DCC: variants seen among roughly 807,000 people sequenced by gnomAD.
The protein encoded by DCC is DCC netrin 1 receptor, also known as netrin receptor DCC.
DCC carries 58 observed loss-of-function variants against 172.5 expected under a neutral mutation model. The observed-to-expected ratio is 0.34, with a 90% CI of 0.27 to 0.42. The LOEUF (loss-of-function observed/expected upper bound fraction) is 0.42. Ranked by LOEUF, DCC falls within the 10% of genes least tolerant of loss-of-function variation. The probability of loss-of-function intolerance (pLI) is 1.00; values close to 1 mark genes in which losing one functional copy is unlikely to be tolerated. For missense variants in DCC, 1,740 were observed against 1,791.0 expected (o/e 0.97, Z 0.51); for synonymous variants, 709 against 644.5 (o/e 1.10, Z -1.52).
At chr18:52,967,149 A>G (rs529082485) in intron 5 of DCC, among the ~76,000 whole-genome samples, 5 of 152,332 alleles carry the variant, frequency 3.3e-5, no homozygotes, top group South Asian at 2.1e-4. Context: ...GGTAAGTAGA[A>G]TAGCCCAGAA....
At chr18:53,469,367 C>T (rs1355695002) in intron 25 of DCC, among the ~76,000 whole-genome samples, 2 of 152,154 alleles carry the variant, frequency 1.3e-5, no homozygotes, top group Admixed American at 1.3e-4. Flanking sequence ...TGAGCTCTCA[C>T]TATTTGGAAA....
chr18:53,142,967 GT>G (rs34266359), intron 7 of DCC, among the ~76,000 whole-genome samples: 46,965 of 151,812 alleles, frequency 0.31, 9,086 homozygotes, highest in East Asian at 0.59. Flanking sequence ...TATATCCAAA[GT>G]TTTTTTCATC....
intron 2 of DCC, among the ~76,000 whole-genome samples, chr18:52,812,688 G>A (rs1441372569): frequency 6.6e-6 from 1 of 152,200 alleles, no homozygotes; most frequent in Non-Finnish European, 1.5e-5. Context: ...GGCTTAAATA[G>A]TGCTTAAGAA....
chr18:53,166,701 C>A (rs964885405), intron 8 of DCC, among the ~76,000 whole-genome samples: 2 of 152,128 alleles, frequency 1.3e-5, no homozygotes, highest in Admixed American at 6.6e-5. Context: ...CTAGATTTAT[C>A]CTTTTTAACA....
chr18:53,515,158 TAAATGTAATCCAGCATATA>T (rs2046317929), intron 27 of DCC, among the ~76,000 whole-genome samples: 1 of 151,632 alleles, frequency 6.6e-6, no homozygotes, highest in South Asian at 2.1e-4. Flanking sequence ...CGCAAATCAA[TAAATGTAATCCAGCATATA>T]AACAGAGCCA....
intron 2 of DCC, among the ~76,000 whole-genome samples, chr18:52,797,313 G>A (rs530747177): frequency 6.6e-6 from 1 of 152,230 alleles, no homozygotes; most frequent in African/African-American, 2.4e-5. Flanking sequence ...GAGGCATCAT[G>A]TTTCCTTTTT....
chr18:52,993,297 C>A (rs957988899), intron 5 of DCC, among the ~76,000 whole-genome samples: 5 of 152,008 alleles, frequency 3.3e-5, no homozygotes. Context: ...GAGATTTTTA[C>A]GTAGGATGTA....
At chr18:52,889,938 A>G (rs906864535) in intron 2 of DCC, among the ~76,000 whole-genome samples, 1 of 152,084 alleles carries the variant, frequency 6.6e-6, no homozygotes, top group Non-Finnish European at 1.5e-5. Context: ...GGAGAGTGTT[A>G]ATTGGTGTTT....
chr18:52,789,012 A>G (rs1349070685), intron 2 of DCC, among the ~76,000 whole-genome samples: 3 of 152,000 alleles, frequency 2.0e-5, no homozygotes, highest in Non-Finnish European at 2.9e-5. Context: ...CAGGTGACCA[A>G]GAGTATGCTT....
At chr18:52,356,125 G>C (rs974612270) in intron 1 of DCC, among the ~76,000 whole-genome samples, 12 of 152,158 alleles carry the variant, frequency 7.9e-5, no homozygotes, top group African/African-American at 1.2e-4. Flanking sequence ...CATCTGAGAA[G>C]TAACTTTGGT....
At chr18:53,044,861 G>A (rs1665609517) in intron 5 of DCC, among the ~76,000 whole-genome samples, 1 of 151,738 alleles carries the variant, frequency 6.6e-6, no homozygotes. Context: ...GCATGTCAAC[G>A]AGTGCAAAAA....
Position 52,925,347 on chromosome 18 carries a change from C to T in DCC, c.962C>T (p.Ala321Val), listed in dbSNP as rs771237034. The T allele has an allele frequency of 6.2e-7, 1 of 1,612,342 alleles. No individual in the cohort carries two copies. Among genetic ancestry groups the T allele is most frequent in the South Asian group, 1.1e-5 (1 of 91,066 alleles). ...ACATATAAAAATGAGAATATTAGTG[C>T]CTCTGCAGAGCTCACAGTCTTGGGT... ...VVTYKNENIS[A>V]SAELTVLVPP... The change falls in exon 5 of 29, where the codon GCC (alanine) becomes GTC (valine). Residue 321 changes from alanine (A) to valine (V), a missense_variant. Physicochemically the swap from Ala to Val is moderately conservative, Grantham distance 64. This residue lies in a region of DCC where 1,732 missense variants were observed against 1,767.4 expected (regional missense o/e 0.98). Coordinates refer to ENST00000442544, the MANE Select transcript of DCC (RefSeq NM_005215.4).
chr18:52,752,106 T>C lies in DCC; in HGVS notation c.144T>C (p.Asp48=). The C allele has an allele frequency of 2.5e-6, 4 of 1,614,138 alleles. No homozygotes were observed. Among genetic ancestry groups the C allele is most frequent in the Non-Finnish European group, 3.4e-6 (4 of 1,180,024 alleles). Residue 48 remains aspartate, a synonymous_variant, in exon 2 of 29, where the codon GAT becomes GAC. Coordinates refer to ENST00000442544, the MANE Select transcript of DCC (RefSeq NM_005215.4). ...TALRFLSEPS[D]AVTMRGGNVL... ...TGCGCTTCCTCTCAGAACCTTCTGA[T>C]GCCGTCACAATGCGGGGAGGAAATG...
intron 15 of DCC, among the ~76,000 whole-genome samples, chr18:53,353,143 G>T (rs1250175702): frequency 6.6e-6 from 1 of 152,028 alleles, no homozygotes; most frequent in African/African-American, 2.4e-5. Flanking sequence ...CAGATGTGGT[G>T]ACACATGCCT....
chr18:52,721,819 G>T (rs28647396), intron 1 of DCC, among the ~76,000 whole-genome samples: 1 of 152,130 alleles, frequency 6.6e-6, no homozygotes, highest in South Asian at 2.1e-4. Context: ...GAGGTTGGGA[G>T]TTCCAGACCA....
chr18:53,205,389 G>T lies in DCC; in HGVS notation c.1722+25G>T, dbSNP rs368871509. ...GGTAGGTGAAGGAATGGACCACACT[G>T]CTTCCATCTGTTGGATGTTTCCATC... is the stretch of plus-strand genomic sequence containing the variant. On this transcript the variant is annotated intron_variant, in intron 10 of 28. Coordinates refer to ENST00000442544, the MANE Select transcript of DCC (RefSeq NM_005215.4). The T allele has an allele frequency of 1.6e-5, 25 of 1,610,026 alleles. No individual in the cohort carries two copies. In the African/African-American group the frequency reaches 3.1e-4, roughly 20 times the overall value.
In DCC at chr18:53,083,476, C is replaced by T. The variant is rs372592301; in HGVS notation, c.1261+17310C>T. Among the ~76,000 whole-genome samples, 23 of 152,248 alleles carry T rather than the reference C, an allele frequency of 1.5e-4. 1 individual carries two copies. In the East Asian group the frequency reaches 2.9e-3, roughly 19 times the overall value. On this transcript the variant is annotated intron_variant, in intron 7 of 28. Transcript: ENST00000442544. ...AAGAATACTAAAAGAATTTGTGAGACCCCTTTTTGTTGACTATTTGTTAGA... is the reference window on the plus strand; with the variant it reads ...AAGAATACTAAAAGAATTTGTGAGATCCCTTTTTGTTGACTATTTGTTAGA...
chr18:53,161,273 A>G (rs2054835315), intron 8 of DCC, among the ~76,000 whole-genome samples: 1 of 152,184 alleles, frequency 6.6e-6, no homozygotes, highest in Admixed American at 6.5e-5. Flanking sequence ...CCCAGTAGTC[A>G]ATTCCTGGTC....
chr18:53,389,615 A>C (rs2145004042), intron 16 of DCC, among the ~76,000 whole-genome samples: 1 of 152,322 alleles, frequency 6.6e-6, no homozygotes, highest in South Asian at 2.1e-4. Flanking sequence ...GACAAGCCAC[A>C]CCTGAAAAAA....
Sources: gnomAD v4.1 joint callset for allele counts (sites outside exome capture counted in the v4.1 genomes callset) on GRCh38, gnomAD v4.1.1 for gene constraint, gnomAD v4.1.1 regional missense constraint, MANE v1.5 for transcripts, NCBI Gene and HGNC (gene_info 2026-07-23, HGNC 2026-07-21) for gene names.